ANKRD17: variants seen among roughly 807,000 people sequenced by gnomAD.
ANKRD17 encodes ankyrin repeat domain-containing protein 17.
In ANKRD17, 19 loss-of-function variants were observed where a neutral mutation model predicts 229.7. The ratio of observed to expected loss-of-function variants is 0.08; its 90% CI spans 0.06 to 0.12. The LOEUF (loss-of-function observed/expected upper bound fraction) is 0.12. ANKRD17 is among the 10% of genes least tolerant of loss of function. The pLI is 1.00. For synonymous variants in ANKRD17, 1,112 were observed against 1,146.1 expected, an observed-to-expected ratio of 0.97 and a Z score of 0.60; for missense variants, 2,176 against 3,176.8, an observed-to-expected ratio of 0.68 and a Z score of 7.57.
chr4:73,130,713 T>C (rs899559828), intron 16 of ANKRD17, among the ~76,000 whole-genome samples: 3 of 151,702 alleles, frequency 2.0e-5, no homozygotes, highest in Admixed American at 6.6e-5. Flanking sequence ...TTTAGGAATA[T>C]AGGGAGGACA....
Position 73,184,593 on chromosome 4 carries a change from C to T in ANKRD17, c.394-7060G>A, listed in dbSNP as rs1578313376. ...TATATTTTAATTAACTGATACCATACATACAAACTCCAACTTAACAAATAA... is the reference window on the plus strand; with the variant it reads ...TATATTTTAATTAACTGATACCATATATACAAACTCCAACTTAACAAATAA... On this transcript the variant is annotated intron_variant, in intron 1 of 33. Transcript: ENST00000358602. 3.0e-5 allele frequency among the ~76,000 whole-genome samples: 4 copies of T among 135,404 alleles called. No homozygotes were observed. In the South Asian group the frequency reaches 9.5e-4, roughly 32 times the overall value. The allele number at this position is 135,404 out of a possible 152,430, so 88.8% of individuals were successfully genotyped here. A position where few individuals can be genotyped will look rare whatever the true frequency, so the allele number is the denominator to read the frequency against.
At chr4:73,079,283 T>C (rs1037694912) in intron 30 of ANKRD17, among the ~76,000 whole-genome samples, 1 of 152,258 alleles carries the variant, frequency 6.6e-6, no homozygotes, top group Non-Finnish European at 1.5e-5. Context: ...CTGGGAATAC[T>C]TGCTCTTTGT....
chr4:73,206,433 A>C (rs755828242), intron 1 of ANKRD17, among the ~76,000 whole-genome samples: 6,660 of 151,066 alleles, frequency 0.044, 228 homozygotes, highest in Non-Finnish European at 0.068. Flanking sequence ...AGTGAGAGAG[A>C]GAGAGAGAGA....
At chr4:73,223,173 C>A in intron 1 of ANKRD17, 1 of 735,810 alleles carries the variant, frequency 1.4e-6, no homozygotes, top group South Asian at 2.0e-5. Flanking sequence ...CAGGCATCTA[C>A]CAAAAGAGCA....
At chr4:73,171,506 A>C (rs1449493420) in intron 2 of ANKRD17, among the ~76,000 whole-genome samples, 5 of 152,210 alleles carry the variant, frequency 3.3e-5, no homozygotes, top group Non-Finnish European at 7.3e-5. Context: ...CAATGCCCAG[A>C]CACCAACAAA....
chr4:73,103,826 C>T (rs576234897), intron 24 of ANKRD17, among the ~76,000 whole-genome samples: 5 of 114,232 alleles, frequency 4.4e-5, no homozygotes, highest in South Asian at 2.6e-4. Context: ...TAACCCTCTC[C>T]GGTTTTTTTT....
rs895596811 is a variant in ANKRD17, at chr4:73,184,547, A to G, written c.394-7014T>C. On this transcript the variant is annotated intron_variant, in intron 1 of 33. Coordinates refer to ENST00000358602, the MANE Select transcript of ANKRD17 (RefSeq NM_032217.5). ...TCCTCTCAAAAAAAAAAAAAAAAAA[A>G]AAAAAAGAAAAGAAAACTAGTATAT... Among the ~76,000 whole-genome samples the G allele has an allele frequency of 1.6e-3, 238 of 150,576 alleles. 1 individual carries two copies. Among genetic ancestry groups the G allele is most frequent in the Non-Finnish European group, 2.8e-3 (192 of 67,598 alleles).
At chr4:73,127,707 T>C (rs1727655298) in intron 16 of ANKRD17, among the ~76,000 whole-genome samples, 1 of 152,192 alleles carries the variant, frequency 6.6e-6, no homozygotes, top group Admixed American at 6.5e-5. Context: ...CAAAAGGTCA[T>C]AGATTCAAAA....
chr4:73,235,850 T>C (rs1363843915), intron 1 of ANKRD17, among the ~76,000 whole-genome samples: 2 of 151,910 alleles, frequency 1.3e-5, no homozygotes, highest in African/African-American at 2.4e-5. Flanking sequence ...AGGTTCGTAA[T>C]GATTTAAAAT....
chr4:73,123,023 A>G (rs939245141), intron 18 of ANKRD17, among the ~76,000 whole-genome samples: 8 of 152,056 alleles, frequency 5.3e-5, no homozygotes, highest in Non-Finnish European at 1.2e-4. Flanking sequence ...CACCAAATTA[A>G]AGTAACAAAG....
At chr4:73,078,375 T>TA (rs1721216984) in intron 31 of ANKRD17, among the ~76,000 whole-genome samples, 2 of 150,810 alleles carry the variant, frequency 1.3e-5, no homozygotes, top group African/African-American at 4.9e-5. Flanking sequence ...AGACTCCGTC[T>TA]CAAAAAAAAA....
intron 1 of ANKRD17, among the ~76,000 whole-genome samples, chr4:73,207,163 A>C (rs960454289): frequency 6.6e-6 from 1 of 152,180 alleles, no homozygotes. Context: ...ACAAATAAAC[A>C]TAAGTATATG....
intron 3 of ANKRD17, among the ~76,000 whole-genome samples, chr4:73,157,971 G>A (rs1731895276): frequency 1.3e-5 from 2 of 151,716 alleles, no homozygotes; most frequent in Non-Finnish European, 2.9e-5. Context: ...GTGGCCTATA[G>A]TCCCAGCTAC....
At chr4:73,170,782 T>G (rs1399097544) in intron 2 of ANKRD17, among the ~76,000 whole-genome samples, 1 of 152,064 alleles carries the variant, frequency 6.6e-6, no homozygotes, top group African/African-American at 2.4e-5. Flanking sequence ...GGGCTGAGAC[T>G]CCTTACCTGT....
chr4:73,181,190 G>C (rs920294874), intron 1 of ANKRD17, among the ~76,000 whole-genome samples: 11 of 152,124 alleles, frequency 7.2e-5, no homozygotes, highest in Non-Finnish European at 1.6e-4. Flanking sequence ...TTAGGTAGTA[G>C]GTGGTGCAAA....
chr4:73,217,254 T>C (rs1741196766), intron 1 of ANKRD17, among the ~76,000 whole-genome samples: 1 of 152,202 alleles, frequency 6.6e-6, no homozygotes, highest in South Asian at 2.1e-4. Context: ...CTAGTTATAC[T>C]ACCTTTCCAC....
intron 6 of ANKRD17, among the ~76,000 whole-genome samples, chr4:73,152,422 T>G (rs1036583511): frequency 6.6e-6 from 1 of 152,170 alleles, no homozygotes; most frequent in Non-Finnish European, 1.5e-5. Context: ...AGTCTCAGCC[T>G]GACTTGTCTC....
At chr4:73,105,618 A>T (rs1247572822) in intron 24 of ANKRD17, among the ~76,000 whole-genome samples, 2 of 152,164 alleles carry the variant, frequency 1.3e-5, no homozygotes, top group African/African-American at 4.8e-5. Context: ...GAAACAAAAA[A>T]TAAAATTTAA....
chr4:73,118,645 A>G (rs1410922067), intron 22 of ANKRD17, 43 bp downstream of exon 22: 5 of 1,607,846 alleles, frequency 3.1e-6, no homozygotes, highest in Non-Finnish European at 4.3e-6. Context: ...TTCCTAGTGT[A>G]AGTAAAAAAA....
Sources: allele counts gnomAD v4.1 joint callset (sites outside exome capture counted in the v4.1 genomes callset), GRCh38; gene constraint gnomAD v4.1.1; transcripts MANE v1.5; gene names NCBI Gene and HGNC (gene_info 2026-07-23, HGNC 2026-07-21).